The following CNBD1 variants were observed in gnomAD, a reference collection of about 807,000 sequenced individuals.
The protein encoded by CNBD1 is cyclic nucleotide binding domain containing 1.
Under a neutral mutation model 54.4 loss-of-function variants are expected in CNBD1, and 71 were observed. That is an observed-to-expected ratio of 1.30 (90% confidence interval 1.08 to 1.59). The LOEUF is 1.59. Among genes scored for constraint, CNBD1 ranks in the 40% most tolerant of loss-of-function variants. The pLI is 0.00. For synonymous variants in CNBD1, 182 were observed against 170.7 expected (o/e 1.07, Z -0.51); for missense variants, 659 against 518.0 (o/e 1.27, Z -2.64).
At chr8:87,223,365 A>G (rs1814389611) in intron 5 of CNBD1, among the ~76,000 whole-genome samples, 1 of 151,598 alleles carries the variant, frequency 6.6e-6, no homozygotes, top group African/African-American at 2.4e-5. Context: ...AGCATTAGGT[A>G]TATCTCCCAA....
At chr8:87,380,426 A>C (rs967344735) in intron 10 of CNBD1, among the ~76,000 whole-genome samples, 2 of 151,910 alleles carry the variant, frequency 1.3e-5, no homozygotes, top group African/African-American at 2.4e-5. Context: ...GTAGCTTTGT[A>C]AGGTATTTTC....
At chr8:86,873,921 A>T (rs1344350474) in intron 1 of CNBD1, among the ~76,000 whole-genome samples, 1 of 152,240 alleles carries the variant, frequency 6.6e-6, no homozygotes. Flanking sequence ...TTTTAAAAAA[A>T]CATTGTTACA....
chr8:87,243,786 C>T (rs1231394464), intron 6 of CNBD1, among the ~76,000 whole-genome samples: 1 of 151,816 alleles, frequency 6.6e-6, no homozygotes, highest in East Asian at 1.9e-4. Context: ...TTCAATTAAA[C>T]AAAAATACAT....
chr8:87,313,928 T>C (rs936376071), intron 8 of CNBD1, among the ~76,000 whole-genome samples: 1 of 152,006 alleles, frequency 6.6e-6, no homozygotes, highest in Non-Finnish European at 1.5e-5. Flanking sequence ...TTGCATTTTC[T>C]AGTCTAAACT....
intron 4 of CNBD1, among the ~76,000 whole-genome samples, chr8:87,035,214 C>A (rs1809894970): frequency 6.6e-6 from 1 of 152,068 alleles, no homozygotes; most frequent in Non-Finnish European, 1.5e-5. Context: ...GGTGCACATG[C>A]ATGTTTGTTA....
At chr8:87,250,034 A>G (rs1807882040) in intron 6 of CNBD1, among the ~76,000 whole-genome samples, 1 of 152,198 alleles carries the variant, frequency 6.6e-6, no homozygotes, top group East Asian at 1.9e-4. Context: ...AAGTGGAGAG[A>G]CAACCCACCA....
chr8:87,301,013 A>G (rs1431041660), intron 8 of CNBD1, among the ~76,000 whole-genome samples: 2 of 152,126 alleles, frequency 1.3e-5, no homozygotes, highest in Non-Finnish European at 2.9e-5. Flanking sequence ...ACAAAACAGG[A>G]GATATTACAA....
chr8:87,076,526 T>A (rs1239554862), intron 4 of CNBD1, among the ~76,000 whole-genome samples: 1 of 152,032 alleles, frequency 6.6e-6, no homozygotes, highest in Non-Finnish European at 1.5e-5. Flanking sequence ...CACTGCAACC[T>A]CCACCTCCTG....
intron 8 of CNBD1, among the ~76,000 whole-genome samples, chr8:87,338,562 A>T (rs191611164): frequency 8.4e-4 from 127 of 150,532 alleles, no homozygotes; most frequent in Non-Finnish European, 1.4e-3. Flanking sequence ...AGTCAGATGT[A>T]ATTCTCCTCT....
chr8:87,143,973 T>TA (rs1475025150), intron 4 of CNBD1, among the ~76,000 whole-genome samples: 39 of 152,270 alleles, frequency 2.6e-4, no homozygotes, highest in African/African-American at 9.4e-4. Flanking sequence ...TTATGACAAA[T>TA]ACAAAGTTTA....
intron 6 of CNBD1, among the ~76,000 whole-genome samples, chr8:87,249,712 A>C (rs1242513402): frequency 2.0e-5 from 3 of 152,198 alleles, no homozygotes; most frequent in Non-Finnish European, 2.9e-5. Flanking sequence ...TTAGCAAGCA[A>C]AACAGGAGTG....
At chr8:87,308,879 C>A (rs1809209833) in intron 8 of CNBD1, among the ~76,000 whole-genome samples, 1 of 152,058 alleles carries the variant, frequency 6.6e-6, no homozygotes, top group African/African-American at 2.4e-5. Context: ...ATTTAATATA[C>A]CGACCTCTAA....
chr8:87,276,062 T>C lies in CNBD1; in HGVS notation c.772-8616T>C, dbSNP rs1177476238. ...AAAAATGATACACACATATGACAAATATAACCCTCACAGTAGGAATCAATG... is the reference window on the plus strand; with the variant it reads ...AAAAATGATACACACATATGACAAACATAACCCTCACAGTAGGAATCAATG... On this transcript the variant is annotated intron_variant, in intron 6 of 10. Transcript: ENST00000518476. Among the ~76,000 whole-genome samples the C allele has an allele frequency of 2.6e-5, 4 of 151,822 alleles. No individual in the cohort carries two copies. In the Admixed American group the frequency reaches 2.6e-4, roughly 10 times the overall value.
intron 4 of CNBD1, among the ~76,000 whole-genome samples, chr8:86,986,442 AT>A (rs1382319942): frequency 2.6e-5 from 4 of 151,918 alleles, no homozygotes; most frequent in Non-Finnish European, 4.4e-5. Context: ...GTTCACAAAT[AT>A]TTTTTTCCCA....
At position 87,403,666 on chromosome 8, in the gene CNBD1, T is replaced by TA. The variant is rs563731840; in HGVS notation, c.214-24873dup. ...ACTCATTAAAGGGAAGTAGCTTTTT[T>TA]AAAAAAATTATTATTGTAATTATAT... On this transcript the variant is annotated intron_variant, in intron 2 of 7. Transcript: ENST00000521593. Among the ~76,000 whole-genome samples, 493 of 152,102 alleles carry TA rather than the reference T, an allele frequency of 3.2e-3. 2 individuals are homozygous for TA. The highest frequency in any genetic ancestry group is 0.011 in the African/African-American group (451 of 41,532).
chr8:87,064,657 A>G (rs1021841509), intron 4 of CNBD1, among the ~76,000 whole-genome samples: 46 of 151,936 alleles, frequency 3.0e-4, no homozygotes, highest in Non-Finnish European at 1.6e-4. Context: ...TAGCTCAGAT[A>G]TTCTAGTAAC....
intron 4 of CNBD1, among the ~76,000 whole-genome samples, chr8:87,195,293 A>T (rs1212105263): frequency 6.7e-6 from 1 of 148,330 alleles, no homozygotes; most frequent in East Asian, 2.0e-4. Context: ...CAGTGGCACA[A>T]TCTTGGCTGT....
intron 4 of CNBD1, among the ~76,000 whole-genome samples, chr8:87,019,834 C>T (rs547919183): frequency 2.6e-5 from 4 of 152,122 alleles, no homozygotes; most frequent in East Asian, 3.9e-4. Context: ...GCCGAGATTG[C>T]GCCACTGTCA....
intron 2 of CNBD1, among the ~76,000 whole-genome samples, chr8:87,388,690 C>G (rs891960394): frequency 8.5e-5 from 13 of 152,178 alleles, no homozygotes; most frequent in African/African-American, 3.1e-4. Flanking sequence ...GAGCTGGTAC[C>G]ATTCCTTCTG....
Sources: allele counts gnomAD v4.1 joint callset (sites outside exome capture counted in the v4.1 genomes callset), GRCh38; gene constraint gnomAD v4.1.1; transcripts MANE v1.5; gene names NCBI Gene and HGNC (gene_info 2026-07-23, HGNC 2026-07-21).